LRRK2: variants seen among roughly 807,000 people sequenced by gnomAD.
LRRK2 encodes the protein leucine-rich repeat serine/threonine-protein kinase 2.
A neutral mutation model predicts 302.6 loss-of-function variants in LRRK2; 203 were observed. The observed-to-expected ratio is 0.67, with a 90% CI of 0.60 to 0.75. LRRK2 has a LOEUF of 0.75. LRRK2 is among the 30% of genes least tolerant of loss of function. The pLI, the probability that LRRK2 is intolerant of heterozygous loss-of-function variation, is 0.00. For synonymous variants in LRRK2, 1,066 were observed against 1,031.9 expected, an observed-to-expected ratio of 1.03 and a Z score of -0.63; for missense variants, 2,830 against 2,951.0, an observed-to-expected ratio of 0.96 and a Z score of 0.95.
At chr12:40,260,952 G>T (rs1437222303) in intron 13 of LRRK2, among the ~76,000 whole-genome samples, 1 of 152,062 alleles carries the variant, frequency 6.6e-6, no homozygotes, top group Non-Finnish European at 1.5e-5. Context: ...ATTTTCTCTA[G>T]TTATATAGGT....
intron 11 of LRRK2, among the ~76,000 whole-genome samples, chr12:40,254,915 T>A (rs918914196): frequency 6.6e-6 from 1 of 152,182 alleles, no homozygotes; most frequent in Non-Finnish European, 1.5e-5. Context: ...CTTGGGCAAT[T>A]TCTCATTGAA....
intron 49 of LRRK2, 104 bp downstream of exon 49, chr12:40,365,154 T>C: frequency 5.5e-6 from 6 of 1,081,122 alleles, no homozygotes; most frequent in Non-Finnish European, 8.3e-6. Context: ...GTCATATGGA[T>C]GGTCTTGGAG....
chr12:40,293,158 T>C (rs1395539868), intron 20 of LRRK2, among the ~76,000 whole-genome samples: 2 of 152,074 alleles, frequency 1.3e-5, no homozygotes, highest in Non-Finnish European at 1.5e-5. Context: ...TCAGATTGCA[T>C]ACAAACTTTC....
chr12:40,262,840 A>G (rs957565180), intron 13 of LRRK2, among the ~76,000 whole-genome samples: 17 of 152,198 alleles, frequency 1.1e-4, no homozygotes, highest in Non-Finnish European at 2.4e-4. Flanking sequence ...CTCACTGGAA[A>G]TGATACACAG....
chr12:40,306,821 T>C (rs911326171), intron 28 of LRRK2, among the ~76,000 whole-genome samples: 1 of 152,140 alleles, frequency 6.6e-6, no homozygotes, highest in Non-Finnish European at 1.5e-5. Flanking sequence ...ACTTCATCTG[T>C]TTTTATGAGG....
At position 40,325,069 on chromosome 12, in the gene LRRK2, C is replaced by T. The variant is rs3747892; in HGVS notation, c.5656+1763C>T. On this transcript the variant is annotated intron_variant, in intron 38 of 50. Transcript: ENST00000298910. ...TTGGGAGGCCGAGGTGGGTGTATCA[C>T]GAGGTCAGGAGTTGAAGACCAGCCT... Among the ~76,000 whole-genome samples the T allele has an allele frequency of 0.01, 1,543 of 152,182 alleles. 72 individuals are homozygous for T. In the East Asian group the frequency reaches 0.11, roughly 11 times the overall value.
rs1247008173 is a variant in LRRK2, at chr12:40,314,068, T to G, written c.4633T>G (p.Phe1545Val). The change falls in exon 32 of 51, where the codon TTT (phenylalanine) becomes GTT (valine). Residue 1545 changes from phenylalanine to valine, a missense_variant. Physicochemically the swap from Phe to Val is conservative, Grantham distance 50. This residue lies in a region of LRRK2 where 2,121 missense variants were observed against 2,148.0 expected (regional missense o/e 0.99). Coordinates refer to ENST00000298910, the MANE Select transcript of LRRK2 (RefSeq NM_198578.4). ...GGAGCGTAAAAATGTGCCAATTGAA[T>G]TTCCCGTAATTGACCGGAAACGATT... ...LSERKNVPIEFPVIDRKRLLQ... is the reference protein window; with the variant it reads ...LSERKNVPIEVPVIDRKRLLQ... The G allele has an allele frequency of 6.2e-7, 1 of 1,612,760 alleles. No individual in the cohort carries two copies. The highest frequency in any genetic ancestry group is 8.5e-7 in the Non-Finnish European group (1 of 1,179,050).
At chr12:40,350,307 A>G (rs776874544) in intron 43 of LRRK2, among the ~76,000 whole-genome samples, 9 of 152,206 alleles carry the variant, frequency 5.9e-5, no homozygotes, top group Middle Eastern at 3.2e-3. Context: ...GTCTTGGCAG[A>G]CAAATGTCTT....
Position 40,354,417 on chromosome 12 carries a change from G to A in LRRK2, c.6695G>A (p.Gly2232Glu). 8 of 1,614,036 alleles carry A rather than the reference G, an allele frequency of 5.0e-6. No individual in the cohort carries two copies. Among genetic ancestry groups the A allele is most frequent in the Non-Finnish European group, 6.8e-6 (8 of 1,179,996 alleles). The part of the protein sequence containing the change: ...GTLLVINTED[G>E]KKRHTLEKMT... ...CTCCTGGTCATCAATACCGAAGATG[G>A]GAAAAAGAGACATACCCTAGAAAAG... Residue 2232 changes from glycine (G) to glutamate (E), a missense_variant, in exon 45 of 51, where the codon GGG (glycine) becomes GAG (glutamate). Physicochemically the swap from Gly to Glu is moderately conservative, Grantham distance 98. This residue lies in a region of LRRK2 where 456 missense variants were observed against 456.3 expected (regional missense o/e 1.00). Transcript: ENST00000298910.
intron 21 of LRRK2, among the ~76,000 whole-genome samples, chr12:40,293,898 T>C (rs765659953): frequency 6.8e-6 from 1 of 147,118 alleles, no homozygotes; most frequent in Non-Finnish European, 1.5e-5. Context: ...TTGGGGCACA[T>C]ATATATATAT....
chr12:40,293,921 A>G (rs1261965050), intron 21 of LRRK2, among the ~76,000 whole-genome samples: 1 of 150,572 alleles, frequency 6.6e-6, no homozygotes, highest in Non-Finnish European at 1.5e-5. Context: ...ATATACTTAC[A>G]GTACACTTCA....
intron 4 of LRRK2, among the ~76,000 whole-genome samples, chr12:40,236,505 G>C (rs976938393): frequency 1.3e-5 from 2 of 152,172 alleles, no homozygotes; most frequent in African/African-American, 4.8e-5. Flanking sequence ...CTGGACACTG[G>C]CTATTATATA....
intron 40 of LRRK2, among the ~76,000 whole-genome samples, chr12:40,340,090 C>A (rs1054367163): frequency 1.3e-5 from 2 of 152,036 alleles, no homozygotes; most frequent in Non-Finnish European, 1.5e-5. Context: ...AGATTTGACC[C>A]TTTTTTAAAG....
intron 2 of LRRK2, among the ~76,000 whole-genome samples, chr12:40,231,576 CAA>C (rs71078231): frequency 0.11 from 11,711 of 105,776 alleles, 582 homozygotes; most frequent in South Asian, 0.17. Flanking sequence ...AAAACAAAAC[CAA>C]AAAAAAAAAA....
At chr12:40,315,523 A>G (rs1008843000) in intron 33 of LRRK2, among the ~76,000 whole-genome samples, 4 of 152,016 alleles carry the variant, frequency 2.6e-5, no homozygotes, top group African/African-American at 7.2e-5. Flanking sequence ...CAAGCCACAT[A>G]CAGATGTTTG....
At chr12:40,332,688 C>A (rs1945745556) in intron 39 of LRRK2, among the ~76,000 whole-genome samples, 1 of 151,928 alleles carries the variant, frequency 6.6e-6, no homozygotes, top group Non-Finnish European at 1.5e-5. Context: ...GTTCTAGAAC[C>A]AAATTGAACA....
chr12:40,261,777 A>T (rs1318021343), intron 13 of LRRK2, among the ~76,000 whole-genome samples: 1 of 152,138 alleles, frequency 6.6e-6, no homozygotes. Flanking sequence ...GCTAGATTAT[A>T]TTCAGGTTTT....
At chr12:40,340,038 C>T (rs540454328) in intron 40 of LRRK2, among the ~76,000 whole-genome samples, 3 of 152,118 alleles carry the variant, frequency 2.0e-5, no homozygotes, top group Non-Finnish European at 4.4e-5. Context: ...TGGGTCTTTG[C>T]CTGAGATAGA....
At position 40,287,443 on chromosome 12, in the gene LRRK2, T is replaced by C. The variant is rs551677635; in HGVS notation, c.2593T>C (p.Ser865Pro). The C allele has an allele frequency of 2.0e-5, 33 of 1,612,862 alleles. No homozygotes were observed. The South Asian group carries it at 3.4e-4, about 17-fold the overall frequency. ...GTASGSDGNFSEDVLSKFDEW... is the reference protein window; with the variant it reads ...GTASGSDGNFPEDVLSKFDEW... ...AGCCTCAGGCAGCGATGGAAATTTTTCTGAAGATGTGCTGTCTAAATTTGA... is the reference window on the plus strand; with the variant it reads ...AGCCTCAGGCAGCGATGGAAATTTTCCTGAAGATGTGCTGTCTAAATTTGA... The change falls in exon 20 of 51, where the codon TCT (serine) becomes CCT (proline). Residue 865 changes from serine (S) to proline (P), a missense_variant. By Grantham distance (74) the Ser-to-Pro change is moderately conservative (BLOSUM62 -1). This residue lies in a region of LRRK2 where 2,121 missense variants were observed against 2,148.0 expected (regional missense o/e 0.99). Coordinates refer to ENST00000298910, the MANE Select transcript of LRRK2 (RefSeq NM_198578.4).
Sources: allele counts gnomAD v4.1 joint callset (sites outside exome capture counted in the v4.1 genomes callset), GRCh38; gene constraint gnomAD v4.1.1; regional missense constraint gnomAD v4.1.1; transcripts MANE v1.5; gene names NCBI Gene and HGNC (gene_info 2026-07-23, HGNC 2026-07-21).